Variants in SMOC1 observed in about 807,000 individuals in gnomAD.
The protein encoded by SMOC1 is SPARC-related modular calcium-binding protein 1.
A neutral mutation model predicts 56.3 loss-of-function variants in SMOC1; 22 were observed. The observed-to-expected ratio is 0.39, with a 90% CI of 0.28 to 0.56. SMOC1 has a LOEUF of 0.56. Ranked by LOEUF, SMOC1 falls within the 20% of genes least tolerant of loss-of-function variation. The probability of loss-of-function intolerance (pLI) is 0.61; values close to 1 mark genes in which losing one functional copy is unlikely to be tolerated. For missense variants in SMOC1, 509 were observed against 565.4 expected (o/e 0.90, Z 1.01); for synonymous variants, 193 against 215.0 (o/e 0.90, Z 0.89).
intron 7 of SMOC1, among the ~76,000 whole-genome samples, chr14:70,001,860 G>C (rs531017977): frequency 6.6e-6 from 1 of 152,312 alleles, no homozygotes; most frequent in East Asian, 1.9e-4. Flanking sequence ...AGAAAACAAG[G>C]GGTAGAGCCT....
chr14:70,030,187 A>G, intron 11 of SMOC1, 55 bp from the exon 12 acceptor site: 2 of 1,604,388 alleles, frequency 1.2e-6, no homozygotes, highest in South Asian at 1.1e-5. Context: ...CTTCTTGCTT[A>G]TATCTGCCCC....
intron 7 of SMOC1, among the ~76,000 whole-genome samples, chr14:69,998,101 C>G (rs1436519553): frequency 2.6e-5 from 4 of 152,314 alleles, no homozygotes; most frequent in African/African-American, 7.2e-5. Flanking sequence ...TGCCTACAGA[C>G]TCTCCTAGTC....
At chr14:69,891,123 T>C (rs1002229307) in intron 1 of SMOC1, among the ~76,000 whole-genome samples, 3 of 152,218 alleles carry the variant, frequency 2.0e-5, no homozygotes, top group Non-Finnish European at 4.4e-5. Context: ...GAATAATACA[T>C]AATGCTATTT....
intron 1 of SMOC1, among the ~76,000 whole-genome samples, chr14:69,914,113 T>C (rs1254074204): frequency 1.3e-5 from 2 of 152,220 alleles, no homozygotes; most frequent in African/African-American, 4.8e-5. Context: ...CAAAGACCCC[T>C]TGAATCAGTA....
At chr14:69,920,511 T>TA (rs1884809370) in intron 1 of SMOC1, among the ~76,000 whole-genome samples, 2 of 152,308 alleles carry the variant, frequency 1.3e-5, no homozygotes, top group Middle Eastern at 3.4e-3. Flanking sequence ...GGCTCTGTCC[T>TA]CCCCAATTGT....
rs1309834652 is a variant in SMOC1, at chr14:69,880,471, T to C, written c.99+694T>C. Among the ~76,000 whole-genome samples, 4 of 152,128 alleles carry C rather than the reference T, an allele frequency of 2.6e-5. No homozygotes were observed. In the East Asian group the frequency reaches 7.7e-4, roughly 29 times the overall value. ...GTCTGATTGGAGTTTCTGAACGACA[T>C]GAAACCTGCCAATTCTGTGCACAGG... On this transcript the variant is annotated intron_variant, in intron 1 of 11. Transcript: ENST00000361956.
chr14:69,957,360 A>G (rs1883224900), intron 3 of SMOC1, among the ~76,000 whole-genome samples: 1 of 152,218 alleles, frequency 6.6e-6, no homozygotes, highest in African/African-American at 2.4e-5. Flanking sequence ...AGAGTTATTA[A>G]TACGCTTATG....
chr14:69,995,991 TCTC>T (rs1445584095), intron 7 of SMOC1, among the ~76,000 whole-genome samples: 21 of 152,098 alleles, frequency 1.4e-4, no homozygotes, highest in African/African-American at 4.8e-4. Context: ...TTGCAACTGG[TCTC>T]CTAGTCCCTG....
intron 1 of SMOC1, among the ~76,000 whole-genome samples, chr14:69,891,233 T>TGGTCGCCG: frequency 6.6e-6 from 1 of 151,862 alleles, no homozygotes; most frequent in East Asian, 1.9e-4. Context: ...GGAGCTCAGG[T>TGGTCGCCG]TAATTGTTAA....
intron 1 of SMOC1, among the ~76,000 whole-genome samples, chr14:69,913,985 A>G (rs537758972): frequency 1.3e-5 from 2 of 152,306 alleles, no homozygotes; most frequent in South Asian, 4.2e-4. Context: ...CATGAATAAG[A>G]TCCTGATCAT....
At chr14:69,949,879 T>C (rs1283169802) in intron 1 of SMOC1, among the ~76,000 whole-genome samples, 1 of 151,526 alleles carries the variant, frequency 6.6e-6, no homozygotes, top group African/African-American at 2.4e-5. Flanking sequence ...TCGAGGGGGG[T>C]TGAGGCTGGG....
rs116839561 is a variant in SMOC1, at chr14:69,916,437, G to A, written c.100-35701G>A. ...CCTCTGTAAGCAGCATGGCAGCAGA[G>A]GGAGCTTTCTCAAATGTAGATCAGA... is the stretch of plus-strand genomic sequence containing the variant. On this transcript the variant is annotated intron_variant, in intron 1 of 11. Transcript: ENST00000361956. Among the ~76,000 whole-genome samples the A allele has an allele frequency of 2.2e-3, 341 of 152,306 alleles. 1 individual carries two copies. Among genetic ancestry groups the A allele is most frequent in the African/African-American group, 7.9e-3 (327 of 41,562 alleles).
intron 1 of SMOC1, among the ~76,000 whole-genome samples, chr14:69,909,268 A>G (rs900993393): frequency 3.3e-5 from 5 of 152,174 alleles, no homozygotes; most frequent in Non-Finnish European, 7.4e-5. Context: ...CATGGTGCAT[A>G]TTCACTCTAT....
At chr14:69,881,388 G>A (rs376109792) in intron 1 of SMOC1, among the ~76,000 whole-genome samples, 5 of 151,748 alleles carry the variant, frequency 3.3e-5, no homozygotes, top group Admixed American at 2.6e-4. Flanking sequence ...TGGGGGGCTC[G>A]TTTGTTTGCT....
At chr14:70,018,454 T>C (rs1219917908) in intron 10 of SMOC1, among the ~76,000 whole-genome samples, 2 of 152,210 alleles carry the variant, frequency 1.3e-5, no homozygotes, top group Non-Finnish European at 2.9e-5. Context: ...GAAAACTCTA[T>C]GGCAGGTGCG....
At chr14:69,965,006 T>C (rs566972582) in intron 3 of SMOC1, among the ~76,000 whole-genome samples, 1 of 152,266 alleles carries the variant, frequency 6.6e-6, no homozygotes, top group African/African-American at 2.4e-5. Context: ...GGAGGGTGAC[T>C]CAGGTGAGTA....
At chr14:69,934,047 C>A (rs1170604096) in intron 1 of SMOC1, among the ~76,000 whole-genome samples, 1 of 152,162 alleles carries the variant, frequency 6.6e-6, no homozygotes, top group Non-Finnish European at 1.5e-5. Context: ...ACTGTAACTG[C>A]CATATTTCCC....
At chr14:69,921,062 C>T (rs1884827123) in intron 1 of SMOC1, among the ~76,000 whole-genome samples, 1 of 152,168 alleles carries the variant, frequency 6.6e-6, no homozygotes, top group Non-Finnish European at 1.5e-5. Flanking sequence ...CCATGGTCCT[C>T]CTGGGTGTCC....
intron 3 of SMOC1, among the ~76,000 whole-genome samples, chr14:69,955,108 G>C (rs1002780059): frequency 6.6e-6 from 1 of 152,196 alleles, no homozygotes; most frequent in Non-Finnish European, 1.5e-5. Flanking sequence ...TGTGAGGTAG[G>C]TGTCATTATC....
Sources: gnomAD v4.1 joint callset for allele counts (sites outside exome capture counted in the v4.1 genomes callset) on GRCh38, gnomAD v4.1.1 for gene constraint, MANE v1.5 for transcripts, NCBI Gene and HGNC (gene_info 2026-07-23, HGNC 2026-07-21) for gene names.